The following PATJ variants were observed in gnomAD, a reference collection of about 807,000 sequenced individuals.
The protein encoded by PATJ is PATJ crumbs cell polarity complex component.
A neutral mutation model predicts 224.9 loss-of-function variants in PATJ; 190 were observed. The observed-to-expected ratio is 0.84, with a 90% CI of 0.75 to 0.95. The LOEUF is 0.95. Ranked by LOEUF, PATJ falls within the 40% of genes least tolerant of loss-of-function variation. The pLI is 0.00. For synonymous variants in PATJ, 769 were observed against 820.3 expected (o/e 0.94, Z 1.07); for missense variants, 2,121 against 2,270.3 (o/e 0.93, Z 1.34).
chr1:61,775,591 T>G (rs964290874), intron 7 of PATJ, among the ~76,000 whole-genome samples: 1 of 152,236 alleles, frequency 6.6e-6, no homozygotes, highest in Non-Finnish European at 1.5e-5. Context: ...GACAATTTTT[T>G]TTATTGAAAA....
chr1:61,806,694 C>T (rs1006431231), intron 13 of PATJ, among the ~76,000 whole-genome samples: 4 of 151,708 alleles, frequency 2.6e-5, no homozygotes, highest in Non-Finnish European at 4.4e-5. Context: ...TGTCAGTTCT[C>T]ATGAGCTGCT....
At chr1:62,013,632 G>C (rs113629362) in intron 28 of PATJ, 7,815 of 372,364 alleles carry the variant, frequency 0.021, 121 homozygotes, top group Non-Finnish European at 0.026. Flanking sequence ...TTTAAACCTA[G>C]TGCCACAAGA....
chr1:61,781,482 A>C (rs999023904), intron 7 of PATJ, among the ~76,000 whole-genome samples: 1 of 152,238 alleles, frequency 6.6e-6, no homozygotes, highest in Non-Finnish European at 1.5e-5. Flanking sequence ...AAATGACTTA[A>C]GCTGCAGCAC....
chr1:62,091,286 T>C (rs1660701657), intron 33 of PATJ, among the ~76,000 whole-genome samples: 2 of 152,214 alleles, frequency 1.3e-5, no homozygotes, highest in Admixed American at 6.5e-5. Context: ...AGCAGAGTAA[T>C]GATGCTGGTT....
At chr1:61,848,667 T>C (rs1405124146) in intron 17 of PATJ, among the ~76,000 whole-genome samples, 8 of 152,252 alleles carry the variant, frequency 5.3e-5, no homozygotes, top group Non-Finnish European at 4.4e-5. Flanking sequence ...CCTACCCCCT[T>C]GGCCTCCCAA....
chr1:61,879,785 T>G (rs1361024655), intron 21 of PATJ, among the ~76,000 whole-genome samples: 2 of 152,074 alleles, frequency 1.3e-5, no homozygotes, highest in Non-Finnish European at 2.9e-5. Context: ...TGCAGATTTT[T>G]ATGGGACTGA....
In PATJ at chr1:61,841,145, C is replaced by A. The variant is rs184154114; in HGVS notation, c.2112+7360C>A. ...GATATTAGTGCCCCAAACTCTATTT[C>A]TATTTCTTCCACTTAATTTTATTTA... On this transcript the variant is annotated intron_variant, in intron 17 of 43. Transcript: ENST00000642238. Among the ~76,000 whole-genome samples, 435 of 152,122 alleles carry A rather than the reference C, an allele frequency of 2.9e-3. 2 individuals are homozygous for A. The highest frequency in any genetic ancestry group is 0.01 in the African/African-American group (419 of 41,512).
chr1:61,845,549 AT>A (rs1661795001), intron 17 of PATJ, among the ~76,000 whole-genome samples: 1 of 151,982 alleles, frequency 6.6e-6, no homozygotes. Flanking sequence ...TTATTTATTT[AT>A]TTATTTTTTG....
intron 27 of PATJ, among the ~76,000 whole-genome samples, chr1:61,932,087 C>T (rs1412617328): frequency 6.6e-6 from 1 of 152,078 alleles, no homozygotes; most frequent in Non-Finnish European, 1.5e-5. Flanking sequence ...AATTTAGATC[C>T]ATGGCTTTCA....
chr1:61,764,953 T>C (rs937137423), intron 3 of PATJ, among the ~76,000 whole-genome samples: 3 of 152,092 alleles, frequency 2.0e-5, no homozygotes, highest in African/African-American at 7.2e-5. Flanking sequence ...AACAATTCTT[T>C]ATATTTGTAT....
At chr1:62,000,167 G>A (rs1243344352) in intron 28 of PATJ, among the ~76,000 whole-genome samples, 1 of 151,412 alleles carries the variant, frequency 6.6e-6, no homozygotes, top group African/African-American at 2.4e-5. Context: ...GGGATTGCAG[G>A]TGACAGCCAC....
At chr1:61,947,928 A>G (rs1679013173) in intron 27 of PATJ, among the ~76,000 whole-genome samples, 1 of 152,178 alleles carries the variant, frequency 6.6e-6, no homozygotes, top group African/African-American at 2.4e-5. Context: ...CAACCATCTG[A>G]TCTTTGACAA....
intron 4 of PATJ, among the ~76,000 whole-genome samples, 187 bp from the exon 5 acceptor site, chr1:61,769,096 A>G (rs1646457930): frequency 6.6e-6 from 1 of 152,144 alleles, no homozygotes; most frequent in African/African-American, 2.4e-5. Context: ...CACTGCACAC[A>G]CTCTCTCTTA....
chr1:62,141,760 C>G (rs72677976), intron 41 of PATJ, among the ~76,000 whole-genome samples: 5,174 of 151,588 alleles, frequency 0.034, 105 homozygotes, highest in Non-Finnish European at 0.046. Context: ...CACCTGAGGT[C>G]GAGTTTGAGA....
At chr1:61,918,909 G>A (rs1409039716) in intron 26 of PATJ, among the ~76,000 whole-genome samples, 1 of 151,904 alleles carries the variant, frequency 6.6e-6, no homozygotes, top group Non-Finnish European at 1.5e-5. Context: ...AGTGAGCCAT[G>A]GTCACACCAC....
intron 24 of PATJ, among the ~76,000 whole-genome samples, chr1:61,906,744 C>T (rs948854698): frequency 3.3e-5 from 5 of 152,090 alleles, no homozygotes; most frequent in African/African-American, 1.2e-4. Context: ...TATTCCAGGT[C>T]TCTAGCATGG....
intron 4 of PATJ, among the ~76,000 whole-genome samples, chr1:61,767,678 C>CTTTTTTT (rs1163770714): frequency 3.0e-5 from 4 of 134,966 alleles, no homozygotes; most frequent in Admixed American, 1.6e-4. Flanking sequence ...CTTTTCTTTT[C>CTTTTTTT]TTTTTTTTTT....
At chr1:61,834,632 A>G (rs148775655) in intron 17 of PATJ, among the ~76,000 whole-genome samples, 1,657 of 152,360 alleles carry the variant, frequency 0.011, 27 homozygotes, top group African/African-American at 0.038. Flanking sequence ...GTACTCTGTT[A>G]AAGCCCATAA....
Position 62,157,153 on chromosome 1 carries a change from G to A in PATJ, c.5502+3672G>A, listed in dbSNP as rs942553486. Among the ~76,000 whole-genome samples, 8 of 151,122 alleles carry A rather than the reference G, an allele frequency of 5.3e-5. No homozygotes were observed. In the East Asian group the frequency reaches 1.2e-3, roughly 23 times the overall value. On this transcript the variant is annotated intron_variant, in intron 43 of 43. Coordinates refer to ENST00000642238, the MANE Select transcript of PATJ (RefSeq NM_001350145.3). ...ATCCTGGCCAACATGGTGAAACCCA[G>A]TCTCTACTAAAAACACAAAAATTAG... is the stretch of plus-strand genomic sequence containing the variant.
Sources: gnomAD v4.1 joint callset for allele counts (sites outside exome capture counted in the v4.1 genomes callset) on GRCh38, gnomAD v4.1.1 for gene constraint, MANE v1.5 for transcripts, NCBI Gene and HGNC (gene_info 2026-07-23, HGNC 2026-07-21) for gene names.